RDH13: variants seen among roughly 807,000 people sequenced by gnomAD.
RDH13 encodes the protein retinol dehydrogenase 13, also known as retinol dehydrogenase 13 (all-trans and 9-cis).
RDH13 carries 35 observed loss-of-function variants against 28.3 expected under a neutral mutation model. That is an observed-to-expected ratio of 1.24 (90% CI 0.95 to 1.64). The LOEUF is 1.64. RDH13 is among the 40% of genes most tolerant of loss of function. The pLI is 0.00. For synonymous variants in RDH13, 229 were observed against 198.5 expected (o/e 1.15, Z -1.29); for missense variants, 514 against 446.3 (o/e 1.15, Z -1.37).
At chr19:55,061,578 G>A (rs2147072638) in intron 1 of RDH13, among the ~76,000 whole-genome samples, 1 of 151,714 alleles carries the variant, frequency 6.6e-6, no homozygotes, top group Admixed American at 6.6e-5. Context: ...ATCACTTGAG[G>A]TCAGGAGTTC....
intron 2 of RDH13, among the ~76,000 whole-genome samples, chr19:55,058,925 A>C (rs2075723014): frequency 6.6e-6 from 1 of 152,198 alleles, no homozygotes; most frequent in African/African-American, 2.4e-5. Context: ...GTGATCCGCC[A>C]GCTTTGGCCT....
Position 55,049,566 on chromosome 19 carries a change from G to A in RDH13, c.341-803C>T, listed in dbSNP as rs182857483. ...GCACTTTGGGAGGCCGAGGTGGGCA[G>A]ATCACCTGAGGTCAGGAGTTTGAGA... On this transcript the variant is annotated intron_variant, in intron 3 of 6. Transcript: ENST00000415061. Among the ~76,000 whole-genome samples the A allele has an allele frequency of 2.5e-3, 383 of 152,236 alleles. 2 individuals carry two copies. The highest frequency in any genetic ancestry group is 9.0e-3 in the African/African-American group (376 of 41,564).
At chr19:55,064,652 C>T (rs1256238495), upstream of RDH13, among the ~76,000 whole-genome samples, 2 of 151,208 alleles carry the variant, frequency 1.3e-5, no homozygotes, top group Non-Finnish European at 2.9e-5. Context: ...CTCACTGTGT[C>T]ACCCAGGCTG....
At chr19:55,056,855 G>T (rs2075654234) in intron 2 of RDH13, 47 bp from the exon 3 acceptor site, 1 of 1,503,298 alleles carries the variant, frequency 6.7e-7, no homozygotes, top group African/African-American at 1.4e-5. Context: ...ATCCACTCCT[G>T]GGTACTGACC....
downstream of RDH13, among the ~76,000 whole-genome samples, chr19:55,043,920 C>CTTT (rs1555812976): frequency 0.1 from 14,121 of 135,036 alleles, 852 homozygotes; most frequent in Non-Finnish European, 0.14. Flanking sequence ...AAAGTCGGAA[C>CTTT]TTTTTTTTTT....
At chr19:55,063,302 C>T (rs2075871737), upstream of RDH13, 6 of 383,810 alleles carry the variant, frequency 1.6e-5, no homozygotes, top group East Asian at 1.5e-4. Flanking sequence ...CGTGGCTAGT[C>T]CGGGGGCGGG....
chr19:55,052,542 TAA>T (rs35692980), intron 3 of RDH13, among the ~76,000 whole-genome samples: 188 of 132,344 alleles, frequency 1.4e-3, no homozygotes, highest in African/African-American at 3.1e-3. Flanking sequence ...AACTCCGTCT[TAA>T]AAAAAAAAAA....
chr19:55,060,814 ACT>A (rs914995379), intron 1 of RDH13, among the ~76,000 whole-genome samples: 2 of 152,084 alleles, frequency 1.3e-5, no homozygotes, highest in African/African-American at 4.8e-5. Context: ...ACAGAGCGAG[ACT>A]CTGTCTCAAA....
intron 1 of RDH13, among the ~76,000 whole-genome samples, chr19:55,069,077 C>T (rs1217786788): frequency 1.3e-5 from 2 of 148,564 alleles, no homozygotes; most frequent in African/African-American, 5.0e-5. Flanking sequence ...CGTCACCACC[C>T]CCCGCCCCGA....
chr19:55,051,291 C>T (rs1160732722), intron 3 of RDH13, among the ~76,000 whole-genome samples: 2 of 152,160 alleles, frequency 1.3e-5, no homozygotes, highest in African/African-American at 2.4e-5. Context: ...GCAGGGCCCA[C>T]GTGCGGAGAC....
Position 55,056,744 on chromosome 19 carries a change from G to C in RDH13, c.249C>G (p.Arg83=), listed in dbSNP as rs756106983. 6.2e-7 allele frequency: 1 copy of C among 1,614,058 alleles called. No homozygotes were observed. ...EKCEAAAKDI[R]GETLNHHVNA... is the part of the protein sequence containing the mutation. ...TGACATGGTGATTGAGGGTCTCCCCGCGGATGTCCTTTGCTGCCGCCTCAC... is the reference window on the plus strand; with the variant it reads ...TGACATGGTGATTGAGGGTCTCCCCCCGGATGTCCTTTGCTGCCGCCTCAC... The change falls in exon 3 of 7, where the codon CGC becomes CGG. Residue 83 remains arginine, a synonymous_variant. Transcript: ENST00000415061.
chr19:55,058,105 T>C (rs1040023183), intron 2 of RDH13, among the ~76,000 whole-genome samples: 2 of 151,974 alleles, frequency 1.3e-5, no homozygotes, highest in African/African-American at 4.8e-5. Flanking sequence ...GTCCAGTTCA[T>C]TGGTATTAAA....
At chr19:55,060,165 T>C (rs1162140499) in intron 1 of RDH13, among the ~76,000 whole-genome samples, 2 of 139,790 alleles carry the variant, frequency 1.4e-5, no homozygotes, top group Non-Finnish European at 3.1e-5. Context: ...GGAAAGCCTC[T>C]TGCAGTTGAG....
Position 55,062,955 on chromosome 19 carries a change from A to G in RDH13, c.65+13T>C, listed in dbSNP as rs1239818362. 3.4e-6 allele frequency: 5 copies of G among 1,472,272 alleles called. No homozygotes were observed. The South Asian group carries it at 5.4e-5, about 16-fold the overall frequency. 91.2% of individuals were successfully genotyped at this position (1,472,272 alleles called of 1,614,324 possible). A position where few individuals can be genotyped will look rare whatever the true frequency, so the allele number is the denominator to read the frequency against. ...CCGCCTTGACCGCGCACGCGGGGCT[A>G]GAATGTACTCACTTGAGCAGCACGG... On this transcript the variant is annotated intron_variant, in intron 1 of 6. Transcript: ENST00000415061.
At chr19:55,054,610 C>G (rs73615867) in intron 3 of RDH13, among the ~76,000 whole-genome samples, 299 of 152,190 alleles carry the variant, frequency 2.0e-3, no homozygotes, top group African/African-American at 6.6e-3. Flanking sequence ...GCTCTGTCAT[C>G]CAGGTTAGAG....
At chr19:55,049,042 G>A (rs2075340095) in intron 3 of RDH13, among the ~76,000 whole-genome samples, 1 of 152,052 alleles carries the variant, frequency 6.6e-6, no homozygotes, top group Admixed American at 6.6e-5. Context: ...CCAAGGTGAG[G>A]GTGGGCCGCC....
chr19:55,051,639 A>G (rs1247357567), intron 3 of RDH13, among the ~76,000 whole-genome samples: 3 of 151,788 alleles, frequency 2.0e-5, no homozygotes, highest in East Asian at 3.9e-4. Context: ...CATCTTGGTC[A>G]GGCTGGTCTT....
rs369999147 is a variant in RDH13 at position 55,059,291 on chromosome 19, G to C, written c.66-16C>G. On this transcript the variant is annotated splice_polypyrimidine_tract_variant and intron_variant, in intron 1 of 6. Coordinates refer to ENST00000415061, the MANE Select transcript of RDH13 (RefSeq NM_001145971.2). ...GACATAGTCCCTGAGGGTGAGAAGC[G>C]GCACGGTCAGTCCTGTGGGCCCACT... 1 of 1,535,612 alleles carries C rather than the reference G, an allele frequency of 6.5e-7. No homozygotes were observed. The highest frequency in any genetic ancestry group is 1.4e-5 in the African/African-American group (1 of 73,026).
intron 2 of RDH13, 61 bp from the exon 3 acceptor site, chr19:55,056,869 G>C (rs528947568): frequency 3.5e-6 from 5 of 1,421,878 alleles, no homozygotes; most frequent in Non-Finnish European, 4.8e-6. Flanking sequence ...ACTGACCCCA[G>C]AGACATGAAA....
Sources: gnomAD v4.1 joint callset for allele counts (sites outside exome capture counted in the v4.1 genomes callset) on GRCh38, gnomAD v4.1.1 for gene constraint, MANE v1.5 for transcripts, NCBI Gene and HGNC (gene_info 2026-07-23, HGNC 2026-07-21) for gene names.